The following PCDHGB1 variants were observed in gnomAD, a reference collection of about 807,000 sequenced individuals.
PCDHGB1 encodes the protein protocadherin gamma-B1.
In PCDHGB1, 34 loss-of-function variants were observed where a neutral mutation model predicts 56.6. That is an observed-to-expected ratio of 0.60 (90% confidence interval 0.46 to 0.80). PCDHGB1 has a LOEUF of 0.80. PCDHGB1 is among the 30% of genes least tolerant of loss of function. The probability of loss-of-function intolerance (pLI) is 0.00; values close to 1 mark genes in which losing one functional copy is unlikely to be tolerated. For synonymous variants in PCDHGB1, 561 were observed against 505.9 expected (o/e 1.11, Z -1.46); for missense variants, 1,278 against 1,204.6 (o/e 1.06, Z -0.90).
intron 1 of PCDHGB1, chr5:141,421,450 C>A (rs1193440607): frequency 2.5e-6 from 4 of 1,614,126 alleles, no homozygotes; most frequent in Non-Finnish European, 3.4e-6. Flanking sequence ...GAAGACACAG[C>A]TTTTCGCTGT....
rs750216656 is a variant in PCDHGB1 at position 141,422,121 on chromosome 5, A to G, written c.2409+69452A>G. 4.4e-6 allele frequency: 7 copies of G among 1,602,838 alleles called. No individual in the cohort carries two copies. In the Admixed American group the frequency reaches 8.8e-5, roughly 20 times the overall value. On this transcript the variant is annotated intron_variant, in intron 1 of 3. Coordinates refer to ENST00000523390, the MANE Select transcript of PCDHGB1 (RefSeq NM_018922.3). ...CTGAAATATTCCAATTGGATTCACA[A>G]ACTGGAGAAGTTCAAGTACGGGGGT...
intron 1 of PCDHGB1, chr5:141,426,713 AC>A: frequency 2.2e-6 from 1 of 445,196 alleles, no homozygotes; most frequent in Middle Eastern, 3.3e-4. Flanking sequence ...AAATCAATGA[AC>A]TAGCAATTCC....
intron 1 of PCDHGB1, chr5:141,413,899 A>G: frequency 1.2e-6 from 2 of 1,613,286 alleles, no homozygotes; most frequent in Non-Finnish European, 1.7e-6. Context: ...TGCAAATGAC[A>G]ACGCGCCGGT....
chr5:141,379,313 AG>A (rs1433876569), intron 1 of PCDHGB1: 2 of 152,264 alleles, frequency 1.3e-5, no homozygotes, highest in Non-Finnish European at 2.9e-5. Context: ...CCTAAACAAG[AG>A]ATCTAATCAT....
chr5:141,392,683 G>A, intron 1 of PCDHGB1: 1 of 1,058,682 alleles, frequency 9.4e-7, no homozygotes. Context: ...GGACTGCAGC[G>A]AAACCCGACC....
chr5:141,423,325 G>A lies in PCDHGB1; in HGVS notation c.2409+70656G>A, dbSNP rs201044967. ...GCTGTACTTGGTGGTGGCGGTGGCCGCAGTCTCCTGCATCTTCCTGGTCTT... is the reference window on the plus strand; with the variant it reads ...GCTGTACTTGGTGGTGGCGGTGGCCACAGTCTCCTGCATCTTCCTGGTCTT... On this transcript the variant is annotated intron_variant, in intron 1 of 3. Coordinates refer to ENST00000523390, the MANE Select transcript of PCDHGB1 (RefSeq NM_018922.3). 133 of 1,614,016 alleles carry A rather than the reference G, an allele frequency of 8.2e-5. No individual in the cohort carries two copies. Among genetic ancestry groups the A allele is most frequent in the Non-Finnish European group, 4.1e-5 (48 of 1,180,008 alleles).
At chr5:141,407,967 T>C (rs1589649755) in intron 1 of PCDHGB1, 2 of 705,496 alleles carry the variant, frequency 2.8e-6, no homozygotes, top group South Asian at 2.3e-5. Flanking sequence ...GAGCAAGCGC[T>C]GACGCCGGGG....
chr5:141,488,040 G>A (rs1212272063), intron 1 of PCDHGB1, among the ~76,000 whole-genome samples: 1 of 152,112 alleles, frequency 6.6e-6, no homozygotes, highest in Non-Finnish European at 1.5e-5. Flanking sequence ...CATTTCCCAA[G>A]GGATTGAGGG....
At chr5:141,502,891 C>G (rs2099816930) in intron 2 of PCDHGB1, among the ~76,000 whole-genome samples, 1 of 117,990 alleles carries the variant, frequency 8.5e-6, no homozygotes, top group African/African-American at 3.4e-5. Context: ...GACAGGGAGT[C>G]TAGCTCTGTT....
chr5:141,465,546 T>C (rs572856697), intron 1 of PCDHGB1, among the ~76,000 whole-genome samples: 1 of 152,338 alleles, frequency 6.6e-6, no homozygotes, highest in South Asian at 2.1e-4. Context: ...GCATTTTTTC[T>C]GCTGAAGCTT....
Position 141,387,188 on chromosome 5 carries a change from A to AT in PCDHGB1, c.2409+34523dup, listed in dbSNP as rs756053244. On this transcript the variant is annotated intron_variant, in intron 1 of 3. Transcript: ENST00000523390. ...TATAAATTGCACCTTCTAAAAGGCA[A>AT]TTTTGGTATTACTGATACTCTCCGG... is the stretch of plus-strand genomic sequence containing the variant. Among the ~76,000 whole-genome samples the AT allele has an allele frequency of 1.8e-3, 273 of 152,232 alleles. 6 individuals carry two copies. Among genetic ancestry groups the AT allele is most frequent in the Non-Finnish European group, 6.8e-4 (46 of 68,046 alleles).
intron 1 of PCDHGB1, chr5:141,416,205 A>T (rs1239154825): frequency 1.3e-5 from 2 of 152,458 alleles, no homozygotes; most frequent in Non-Finnish European, 2.9e-5. Context: ...CAATTTATTT[A>T]TAACAATGTA....
chr5:141,355,296 C>T (rs1330952446), intron 1 of PCDHGB1: 5 of 1,613,794 alleles, frequency 3.1e-6, no homozygotes, highest in Non-Finnish European at 4.2e-6. Context: ...AACAGATTCT[C>T]TACTCGGTGT....
At chr5:141,408,214 C>CT (rs1471079476) in intron 1 of PCDHGB1, 1 of 1,555,074 alleles carries the variant, frequency 6.4e-7, no homozygotes. Flanking sequence ...TGGGAGGGAG[C>CT]TGCGCGCAGA....
At chr5:141,409,638 C>A (rs1040366842) in intron 1 of PCDHGB1, 1 of 1,613,648 alleles carries the variant, frequency 6.2e-7, no homozygotes, top group Admixed American at 1.7e-5. Flanking sequence ...GCCTCTGACC[C>A]GGATTTGGGG....
intron 1 of PCDHGB1, among the ~76,000 whole-genome samples, chr5:141,479,129 C>T (rs2099488562): frequency 6.6e-6 from 1 of 152,154 alleles, no homozygotes; most frequent in South Asian, 2.1e-4. Context: ...AAATGATGTG[C>T]ACCCTGCTTA....
chr5:141,358,988 G>A (rs1053429010), intron 1 of PCDHGB1, among the ~76,000 whole-genome samples: 1 of 152,196 alleles, frequency 6.6e-6, no homozygotes, highest in African/African-American at 2.4e-5. Context: ...ATTCATGAAT[G>A]CATATGCTTA....
rs114492681 is a variant in PCDHGB1, at chr5:141,408,401, C to A, written c.2409+55732C>A. 1.5e-3 allele frequency: 2,364 copies of A among 1,614,010 alleles called. 32 individuals are homozygous for A. The African/African-American group carries it at 0.028, about 19-fold the overall frequency. On this transcript the variant is annotated intron_variant, in intron 1 of 3. Coordinates refer to ENST00000523390, the MANE Select transcript of PCDHGB1 (RefSeq NM_018922.3). ...CCTGGATGTGTCGGCTCGCAAGCTG[C>A]GAGTGAGCGCGGAGAAGCTGCACTT...
At chr5:141,500,223 T>TTG (rs1227708024) in intron 2 of PCDHGB1, among the ~76,000 whole-genome samples, 1 of 145,320 alleles carries the variant, frequency 6.9e-6, no homozygotes, top group Non-Finnish European at 1.5e-5. Flanking sequence ...TTTATTTATT[T>TTG]ATTGATACGT....
Sources: gnomAD v4.1 joint callset for allele counts (sites outside exome capture counted in the v4.1 genomes callset) on GRCh38, gnomAD v4.1.1 for gene constraint, MANE v1.5 for transcripts, NCBI Gene and HGNC (gene_info 2026-07-23, HGNC 2026-07-21) for gene names.